AGBL1: variants seen among roughly 807,000 people sequenced by gnomAD.
The protein encoded by AGBL1 is cytosolic carboxypeptidase 4.
Under a neutral mutation model 118.9 loss-of-function variants are expected in AGBL1, and 130 were observed. That is an observed-to-expected ratio of 1.09 (90% CI 0.95 to 1.26). The LOEUF is 1.26. Ranked by LOEUF, AGBL1 falls within the 50% of genes most tolerant of loss-of-function variation. AGBL1 has a pLI of 0.00. For missense variants in AGBL1, 1,584 were observed against 1,298.1 expected, an observed-to-expected ratio of 1.22 and a Z score of -3.38; for synonymous variants, 555 against 478.9, an observed-to-expected ratio of 1.16 and a Z score of -2.08.
intron 24 of AGBL1, among the ~76,000 whole-genome samples, chr15:86,994,313 A>C (rs2701401): frequency 0.41 from 62,844 of 151,520 alleles, 14,326 homozygotes; most frequent in Non-Finnish European, 0.53. Flanking sequence ...CTCTCTCTCT[A>C]TATATATATA....
At chr15:86,710,093 A>G (rs1353591858) in intron 22 of AGBL1, among the ~76,000 whole-genome samples, 1 of 152,198 alleles carries the variant, frequency 6.6e-6, no homozygotes, top group African/African-American at 2.4e-5. Flanking sequence ...TGCTAGAACA[A>G]AGGTACTAAA....
chr15:86,579,478 T>C (rs190782561), intron 21 of AGBL1, among the ~76,000 whole-genome samples: 43 of 152,206 alleles, frequency 2.8e-4, no homozygotes, highest in Admixed American at 2.8e-3. Flanking sequence ...AAGCTGATAT[T>C]TCTACTTTCT....
At chr15:86,161,715 C>G (rs1597477085) in intron 5 of AGBL1, among the ~76,000 whole-genome samples, 1 of 152,284 alleles carries the variant, frequency 6.6e-6, no homozygotes, top group Non-Finnish European at 1.5e-5. Context: ...TATCTATTCC[C>G]TCTGCTTTTG....
chr15:86,670,650 G>GTGTATATA (rs369000727), intron 21 of AGBL1, among the ~76,000 whole-genome samples: 1,959 of 141,088 alleles, frequency 0.014, 28 homozygotes, highest in African/African-American at 0.024. Context: ...GTGTGTGTGT[G>GTGTATATA]TATATATATA....
chr15:86,694,615 A>G (rs1224592281), intron 22 of AGBL1, among the ~76,000 whole-genome samples: 1 of 152,060 alleles, frequency 6.6e-6, no homozygotes, highest in Non-Finnish European at 1.5e-5. Flanking sequence ...TGCTCTGACT[A>G]GGACTCCCAG....
At chr15:86,540,086 G>A (rs999069298) in intron 19 of AGBL1, among the ~76,000 whole-genome samples, 1 of 152,066 alleles carries the variant, frequency 6.6e-6, no homozygotes, top group African/African-American at 2.4e-5. Context: ...AGTGTTCTCG[G>A]CCACAAAATG....
chr15:86,195,930 T>C (rs1341259817), intron 5 of AGBL1, among the ~76,000 whole-genome samples: 2 of 152,194 alleles, frequency 1.3e-5, no homozygotes, highest in African/African-American at 4.8e-5. Context: ...ACAACTATTC[T>C]CTTTTGTTGA....
chr15:86,434,133 T>C lies in AGBL1; in HGVS notation c.2555+36587T>C, dbSNP rs572798373. On this transcript the variant is annotated intron_variant, in intron 18 of 22. Transcript: ENST00000614907. ...ATTTCAGCTTTCAAAAAATTGAGTC[T>C]AGGTAGTTCTCTGACCAAATTAACC... Among the ~76,000 whole-genome samples the C allele has an allele frequency of 3.3e-5, 5 of 152,358 alleles. No individual in the cohort carries two copies. In the East Asian group the frequency reaches 7.7e-4, roughly 24 times the overall value.
intron 18 of AGBL1, among the ~76,000 whole-genome samples, chr15:86,460,545 G>T (rs1224976593): frequency 1.3e-5 from 2 of 151,500 alleles, no homozygotes; most frequent in East Asian, 3.9e-4. Context: ...CAAAAACAAT[G>T]GTTCTTGTTA....
chr15:86,351,943 A>G (rs921735677), intron 17 of AGBL1, among the ~76,000 whole-genome samples: 1 of 152,168 alleles, frequency 6.6e-6, no homozygotes, highest in Admixed American at 6.5e-5. Flanking sequence ...AAAGTGTGAC[A>G]TCTAGTGTAG....
intron 23 of AGBL1, among the ~76,000 whole-genome samples, chr15:86,942,463 G>T (rs1214169800): frequency 6.6e-6 from 1 of 152,120 alleles, no homozygotes; most frequent in Non-Finnish European, 1.5e-5. Flanking sequence ...GGCTTCTTAG[G>T]TTATTCATTG....
chr15:87,015,362 GTCTATCTA>G (rs560502659), intron 24 of AGBL1, among the ~76,000 whole-genome samples: 8 of 151,910 alleles, frequency 5.3e-5, no homozygotes, highest in Non-Finnish European at 7.4e-5. Context: ...CTGTCTGTCT[GTCTATCTA>G]TCTATCTATC....
chr15:86,502,240 G>C (rs2082925909), intron 18 of AGBL1, among the ~76,000 whole-genome samples: 1 of 151,304 alleles, frequency 6.6e-6, no homozygotes, highest in African/African-American at 2.4e-5. Flanking sequence ...TTTTTAGATT[G>C]TTCATTGCTG....
Position 86,223,252 on chromosome 15 carries a change from T to G in AGBL1, c.489-1662T>G, listed in dbSNP as rs543633947. Reference sequence around the variant, plus strand: ...TCCTAAAACAAAAGTGCAATGGAAATTAGAAATGCGATCCTTAGAGACCTG... The same window carrying G: ...TCCTAAAACAAAAGTGCAATGGAAAGTAGAAATGCGATCCTTAGAGACCTG... On this transcript the variant is annotated intron_variant, in intron 5 of 22. Coordinates refer to ENST00000614907, the MANE Select transcript of AGBL1 (RefSeq NM_001386094.1). Among the ~76,000 whole-genome samples, 8 of 152,276 alleles carry G rather than the reference T, an allele frequency of 5.3e-5. No individual in the cohort carries two copies. In the South Asian group the frequency reaches 1.7e-3, roughly 32 times the overall value.
intron 1 of AGBL1, chr15:86,104,953 G>A (rs112386670): frequency 6.6e-6 from 1 of 152,138 alleles, no homozygotes; most frequent in Non-Finnish European, 1.5e-5. Flanking sequence ...ACCACTGGGA[G>A]CCCCTTGCCT....
At chr15:86,654,156 T>C (rs551573851) in intron 21 of AGBL1, among the ~76,000 whole-genome samples, 113 of 152,192 alleles carry the variant, frequency 7.4e-4, no homozygotes, top group African/African-American at 2.6e-3. Context: ...AAGCAGATCA[T>C]GTACCTGAGT....
chr15:86,679,740 A>G (rs538372629), intron 22 of AGBL1, among the ~76,000 whole-genome samples: 3 of 152,274 alleles, frequency 2.0e-5, no homozygotes, highest in African/African-American at 7.2e-5. Flanking sequence ...TTCTTAGCTT[A>G]TTAATTTAAC....
intron 17 of AGBL1, among the ~76,000 whole-genome samples, chr15:86,384,473 A>T (rs1457516085): frequency 6.6e-6 from 1 of 152,170 alleles, no homozygotes; most frequent in Non-Finnish European, 1.5e-5. Flanking sequence ...TTCTGTGTGT[A>T]GTAAATTTCT....
intron 21 of AGBL1, among the ~76,000 whole-genome samples, chr15:86,596,830 C>G (rs968660861): frequency 2.6e-5 from 4 of 151,980 alleles, no homozygotes; most frequent in Non-Finnish European, 5.9e-5. Flanking sequence ...CTTCTTTTTC[C>G]CCTATTACTC....
Sources: allele counts gnomAD v4.1 joint callset (sites outside exome capture counted in the v4.1 genomes callset), GRCh38; gene constraint gnomAD v4.1.1; transcripts MANE v1.5; gene names NCBI Gene and HGNC (gene_info 2026-07-23, HGNC 2026-07-21).